Variants in EFL1 observed in about 807,000 individuals in gnomAD.
EFL1 encodes the protein elongation factor-like GTPase 1.
Under a neutral mutation model 126.7 loss-of-function variants are expected in EFL1, and 76 were observed. That is an observed-to-expected ratio of 0.60 (90% CI 0.50 to 0.73). EFL1 has a LOEUF of 0.73. EFL1 is among the 30% of genes least tolerant of loss of function. EFL1 has a pLI of 0.00. For synonymous variants in EFL1, 410 were observed against 448.4 expected, an observed-to-expected ratio of 0.91 and a Z score of 1.08; for missense variants, 1,128 against 1,343.2, an observed-to-expected ratio of 0.84 and a Z score of 2.50.
At chr15:82,228,918 A>T in intron 9 of EFL1, 116 bp downstream of exon 9, 1 of 839,646 alleles carries the variant, frequency 1.2e-6, no homozygotes, top group African/African-American at 1.7e-5. Context: ...CATCTGTAGA[A>T]GCTCTGTTCA....
Position 82,229,128 on chromosome 15 carries a change from C to G in EFL1, c.856-18G>C. The G allele has an allele frequency of 1.9e-6, 3 of 1,592,774 alleles. No individual in the cohort carries two copies. The highest frequency in any genetic ancestry group is 2.6e-6 in the Non-Finnish European group (3 of 1,170,864). ...CCTTTGGCCTGTACAAAAGAACATA[C>G]GGGCTTAAGTTCCTGAACATTTAAT... On this transcript the variant is annotated intron_variant, in intron 8 of 19. Transcript: ENST00000268206.
chr15:82,146,803 G>A (rs1291413973), intron 18 of EFL1, among the ~76,000 whole-genome samples: 1 of 152,124 alleles, frequency 6.6e-6, no homozygotes, highest in African/African-American at 2.4e-5. Flanking sequence ...AGAAGGCAGT[G>A]AGGCCCAATA....
chr15:82,214,857 T>C lies in EFL1; in HGVS notation c.1612-2A>G. The C allele has an allele frequency of 1.9e-6, 3 of 1,588,798 alleles. No individual in the cohort carries two copies. In the East Asian group the frequency reaches 6.7e-5, roughly 36 times the overall value. The stretch of plus-strand genomic sequence containing the variant: ...TGGAGCTGAGAAGCCTAATGGTACC[T>C]GGGCAAAGAAAAATGATGGAAGACA... On this transcript the variant is annotated splice_acceptor_variant, in intron 14 of 19. Coordinates refer to ENST00000268206, the MANE Select transcript of EFL1 (RefSeq NM_024580.6). LOFTEE classifies it high-confidence loss of function.
At chr15:82,144,423 C>T (rs2073821253) in intron 18 of EFL1, among the ~76,000 whole-genome samples, 1 of 152,110 alleles carries the variant, frequency 6.6e-6, no homozygotes, top group Non-Finnish European at 1.5e-5. Flanking sequence ...AATCAAAGCC[C>T]ATTTCAAAGT....
chr15:82,225,053 C>A, intron 12 of EFL1, 112 bp downstream of exon 12: 3 of 687,942 alleles, frequency 4.4e-6, no homozygotes, highest in South Asian at 2.5e-5. Flanking sequence ...GATATGAATT[C>A]TGGGTTGAGG....
In EFL1 at chr15:82,249,115, T is replaced by G. The variant is rs535361650; in HGVS notation, c.244+3576A>C. 4.6e-5 allele frequency among the ~76,000 whole-genome samples: 7 copies of G among 152,186 alleles called. No individual in the cohort carries two copies. In the South Asian group the frequency reaches 1.4e-3, roughly 32 times the overall value. On this transcript the variant is annotated intron_variant, in intron 4 of 19. Coordinates refer to ENST00000268206, the MANE Select transcript of EFL1 (RefSeq NM_024580.6). The stretch of plus-strand genomic sequence containing the variant: ...TTTATTTCATTTTTGTGTTTTACTG[T>G]ATATTCTATAACACACACTAAATTT...
chr15:82,233,965 G>A (rs928041024), intron 7 of EFL1, among the ~76,000 whole-genome samples: 3 of 152,148 alleles, frequency 2.0e-5, no homozygotes, highest in Admixed American at 1.3e-4. Context: ...ATATCAACTT[G>A]TTGAGAACAG....
intron 2 of EFL1, among the ~76,000 whole-genome samples, chr15:82,260,487 T>G (rs1007534866): frequency 2.0e-5 from 3 of 152,176 alleles, no homozygotes; most frequent in Non-Finnish European, 4.4e-5. Flanking sequence ...ACCAATCTAA[T>G]CTTTCTCATG....
At position 82,156,988 on chromosome 15, in the gene EFL1, C is replaced by T. The variant is rs72749538; in HGVS notation, c.2030+725G>A. 6.9e-3 allele frequency among the ~76,000 whole-genome samples: 1,053 copies of T among 152,252 alleles called. 10 individuals are homozygous for T. The highest frequency in any genetic ancestry group is 8.2e-3 in the Non-Finnish European group (556 of 68,014). On this transcript the variant is annotated intron_variant, in intron 17 of 19. Transcript: ENST00000268206. The stretch of plus-strand genomic sequence containing the variant: ...TATAATGTAAATTAGAACAGTCTTT[C>T]TTGAGGAAAATATGGATCATAATCC...
intron 15 of EFL1, among the ~76,000 whole-genome samples, chr15:82,186,613 T>C (rs1170963659): frequency 1.3e-5 from 2 of 152,226 alleles, no homozygotes; most frequent in Admixed American, 6.5e-5. Context: ...TATAAATTTA[T>C]GTGATTTAAT....
intron 3 of EFL1, among the ~76,000 whole-genome samples, chr15:82,253,463 A>G (rs2075041819): frequency 6.6e-6 from 1 of 151,966 alleles, no homozygotes; most frequent in Non-Finnish European, 1.5e-5. Context: ...GAAATACTGC[A>G]TACCCTCCCC....
At chr15:82,212,361 C>T (rs2074599482) in intron 15 of EFL1, among the ~76,000 whole-genome samples, 1 of 152,104 alleles carries the variant, frequency 6.6e-6, no homozygotes, top group African/African-American at 2.4e-5. Context: ...TAATCATTGC[C>T]CTAGTCCAAA....
chr15:82,260,156 C>G (rs1369949852), intron 2 of EFL1, among the ~76,000 whole-genome samples: 2 of 152,078 alleles, frequency 1.3e-5, no homozygotes, highest in Non-Finnish European at 2.9e-5. Context: ...AGGATAGTAG[C>G]AGCTTAACAT....
At chr15:82,197,624 G>A (rs2074421640) in intron 15 of EFL1, among the ~76,000 whole-genome samples, 1 of 152,190 alleles carries the variant, frequency 6.6e-6, no homozygotes, top group Admixed American at 6.5e-5. Flanking sequence ...AACCAAAGGT[G>A]TCATAACTCA....
intron 15 of EFL1, among the ~76,000 whole-genome samples, chr15:82,171,540 T>C (rs2074135784): frequency 6.6e-6 from 1 of 152,166 alleles, no homozygotes; most frequent in Non-Finnish European, 1.5e-5. Context: ...CGTCATACCA[T>C]CTAGAAAAAG....
intron 15 of EFL1, among the ~76,000 whole-genome samples, chr15:82,178,242 A>G (rs2074214901): frequency 6.6e-6 from 1 of 152,240 alleles, no homozygotes; most frequent in African/African-American, 2.4e-5. Flanking sequence ...TTCCCAGCCT[A>G]TGACTACCAG....
At chr15:82,131,691 C>T (rs1476241422) in intron 19 of EFL1, among the ~76,000 whole-genome samples, 1 of 151,992 alleles carries the variant, frequency 6.6e-6, no homozygotes, top group Non-Finnish European at 1.5e-5. Context: ...ACTTGGGAGG[C>T]TGAGGCAGGA....
At chr15:82,196,927 AAGGCTG>A (rs1285188671) in intron 15 of EFL1, among the ~76,000 whole-genome samples, 2 of 151,862 alleles carry the variant, frequency 1.3e-5, no homozygotes, top group Non-Finnish European at 2.9e-5. Context: ...AGCTACTCAG[AAGGCTG>A]AGGCAGGAGA....
chr15:82,241,768 T>G (rs1299899420), intron 4 of EFL1, among the ~76,000 whole-genome samples: 1 of 152,190 alleles, frequency 6.6e-6, no homozygotes, highest in Non-Finnish European at 1.5e-5. Flanking sequence ...AAATTGAAAC[T>G]GAAAGAAATC....
Sources: gnomAD v4.1 joint callset for allele counts (sites outside exome capture counted in the v4.1 genomes callset) on GRCh38, gnomAD v4.1.1 for gene constraint, MANE v1.5 for transcripts, NCBI Gene and HGNC (gene_info 2026-07-23, HGNC 2026-07-21) for gene names.